GALK1: variants seen among roughly 807,000 people sequenced by gnomAD.
GALK1 encodes the protein galactokinase.
Under a neutral mutation model 38.6 loss-of-function variants are expected in GALK1, and 30 were observed. The observed-to-expected ratio is 0.78, with a 90% CI of 0.58 to 1.05. GALK1 has a LOEUF of 1.05. Ranked by LOEUF, GALK1 falls within the 50% of genes least tolerant of loss-of-function variation. GALK1 has a pLI of 0.00. For synonymous variants in GALK1, 240 were observed against 233.6 expected (o/e 1.03, Z -0.25); for missense variants, 512 against 540.5 (o/e 0.95, Z 0.52).
At chr17:75,753,420 C>T (rs1243399243), downstream of GALK1, among the ~76,000 whole-genome samples, 1 of 152,184 alleles carries the variant, frequency 6.6e-6, no homozygotes, top group Non-Finnish European at 1.5e-5. Context: ...ATTGTACAAA[C>T]GGGAAACTGA....
chr17:75,751,916 T>A lies in GALK1; in HGVS notation c.*23-179A>T, dbSNP rs1449046235. The A allele has an allele frequency of 9.0e-6, 5 of 554,530 alleles. No homozygotes were observed. The East Asian group carries it at 1.6e-4, about 18-fold the overall frequency. 34.4% of individuals were successfully genotyped at this position (554,530 alleles called of 1,614,324 possible). On this transcript the variant is annotated intron_variant, in intron 8 of 8. Coordinates refer to the GALK1 transcript ENST00000225614. ...CGTGGATATATGGGTAGAGGTGACA[T>A]CGAGGCCAACTTGAGTCCAGCCCTG...
chr17:75,754,079 C>A, downstream of GALK1: 1 of 492,028 alleles, frequency 2.0e-6, no homozygotes, highest in Non-Finnish European at 3.3e-6. Flanking sequence ...CCAGTTTCAG[C>A]CAGGCCCGGG....
At chr17:75,757,318 C>G, downstream of GALK1, 1 of 1,612,610 alleles carries the variant, frequency 6.2e-7, no homozygotes, top group South Asian at 1.1e-5. Context: ...TGGGTGAGCA[C>G]TGAGGGCTAG....
Position 75,758,603 on chromosome 17 carries a change from G to A in GALK1, c.794-4C>T. The A allele has an allele frequency of 6.3e-7, 1 of 1,587,898 alleles. No homozygotes were observed. The highest frequency in any genetic ancestry group is 8.5e-7 in the Non-Finnish European group (1 of 1,174,612). On this transcript the variant is annotated splice_region_variant and splice_polypyrimidine_tract_variant and intron_variant, in intron 5 of 7. Coordinates refer to ENST00000588479, the MANE Select transcript of GALK1 (RefSeq NM_000154.2). ...TTGCTCACCAGGTCCCTGGCAGCTG[G>A]GGAGGAAAGAGGAGTCAGCAGCCGC...
At chr17:75,762,597 T>C in intron 5 of GALK1, 107 bp downstream of exon 5, 1 of 1,210,828 alleles carries the variant, frequency 8.3e-7, no homozygotes, top group Non-Finnish European at 1.2e-6. Flanking sequence ...GGGGAGAGCA[T>C]GGCAGAAGGC....
downstream of GALK1, chr17:75,755,711 G>A (rs760958515): frequency 1.2e-6 from 2 of 1,612,792 alleles, no homozygotes; most frequent in African/African-American, 2.7e-5. Flanking sequence ...ACTCTCGCCT[G>A]ACTGCTGGTG....
At chr17:75,753,852 G>T (rs762521380), downstream of GALK1, 2 of 1,393,880 alleles carry the variant, frequency 1.4e-6, no homozygotes, top group South Asian at 3.4e-5. Context: ...CTCATCCCGC[G>T]CCTGTCGGCC....
intron 1 of GALK1, 66 bp downstream of exon 1, chr17:75,764,906 G>A: frequency 6.5e-7 from 1 of 1,545,212 alleles, no homozygotes. Flanking sequence ...GCGTCCCCGA[G>A]GCCCGCCCTC....
rs1188896555 is a variant in GALK1 at position 75,762,812 on chromosome 17, G to A, written c.685C>T (p.His229Tyr). 2 of 1,613,682 alleles carry A rather than the reference G, an allele frequency of 1.2e-6. No individual in the cohort carries two copies. Among genetic ancestry groups the A allele is most frequent in the African/African-American group, 1.3e-5 (1 of 74,922 alleles). The change falls in exon 5 of 8, where the codon CAC becomes TAC. Residue 229 changes from histidine to tyrosine, a missense_variant. Transcript: ENST00000588479. Reference protein sequence around the residue: ...AVLITNSNVRHSLASSEYPVR... With the variant: ...AVLITNSNVRYSLASSEYPVR... ...GGGTACTCGCTGGAGGCCAGGGAGT[G>A]GCGGACATTAGAGTTGGTGATGAGC...
At chr17:75,757,489 G>C (rs766023095), downstream of GALK1, 2 of 1,613,058 alleles carry the variant, frequency 1.2e-6, no homozygotes, top group African/African-American at 2.7e-5. Context: ...AGGAGTTTGT[G>C]AGCCGGACAC....
chr17:75,765,116 G>A lies in GALK1; in HGVS notation c.21C>T (p.Pro7=). Residue 7 remains proline, a synonymous_variant, in exon 1 of 8, where the codon CCC becomes CCT. Coordinates refer to ENST00000588479, the MANE Select transcript of GALK1 (RefSeq NM_000154.2). ...CCTCGGCCAGCAGCTCCGCGACCTGGGGCTGTCTCAAAGCAGCCATGACGC... is the reference window on the plus strand; with the variant it reads ...CCTCGGCCAGCAGCTCCGCGACCTGAGGCTGTCTCAAAGCAGCCATGACGC... MAALRQ[P]QVAELLAEAR... is the part of the protein sequence containing the mutation. 1 of 1,580,690 alleles carries A rather than the reference G, an allele frequency of 6.3e-7. No homozygotes were observed. The highest frequency in any genetic ancestry group is 8.6e-7 in the Non-Finnish European group (1 of 1,165,016).
intron 5 of GALK1, among the ~76,000 whole-genome samples, chr17:75,759,864 G>A (rs1338928387): frequency 1.3e-5 from 2 of 152,138 alleles, no homozygotes; most frequent in East Asian, 1.9e-4. Flanking sequence ...TGGGCAGCAC[G>A]GCCAGCCAGT....
chr17:75,752,400 G>A (rs776962649), intron 8 of GALK1: 3 of 1,612,736 alleles, frequency 1.9e-6, no homozygotes, highest in Admixed American at 1.7e-5. Flanking sequence ...GGGCAGGGGG[G>A]CAGGGGGCAG....
At chr17:75,757,626 C>A, downstream of GALK1, 1 of 1,597,988 alleles carries the variant, frequency 6.3e-7, no homozygotes. Context: ...GCCTCCTCAG[C>A]TACTCCATCC....
chr17:75,756,918 C>G (rs2249613), downstream of GALK1: 1,041,132 of 1,611,884 alleles, frequency 0.65, 337,733 homozygotes, highest in African/African-American at 0.75. Context: ...GGGCCGCAGA[C>G]GCTGAAGGCA....
downstream of GALK1, chr17:75,754,945 CGCACACACGTGCACACGCAT>C: frequency 1.4e-6 from 2 of 1,450,140 alleles, no homozygotes; most frequent in South Asian, 2.3e-5. Context: ...CACACATGCA[CGCACACACGTGCACACGCAT>C]GCACACATGT....
chr17:75,755,432 G>A (rs2061474648), downstream of GALK1, among the ~76,000 whole-genome samples: 1 of 152,170 alleles, frequency 6.6e-6, no homozygotes, highest in Non-Finnish European at 1.5e-5. Flanking sequence ...GGCAGGAGAG[G>A]GGCCAGGCCA....
intron 2 of GALK1, 93 bp downstream of exon 2, chr17:75,763,804 C>A: frequency 8.1e-7 from 1 of 1,229,972 alleles, no homozygotes; most frequent in Non-Finnish European, 1.2e-6. Flanking sequence ...ACAAGCCTTC[C>A]CCACAGTGTA....
At chr17:75,756,910 G>A (rs201790283), downstream of GALK1, 364 of 1,612,168 alleles carry the variant, frequency 2.3e-4, no homozygotes, top group Admixed American at 1.1e-3. Flanking sequence ...TAAAGAGGGG[G>A]CCGCAGACGC....
Sources: gnomAD v4.1 joint callset for allele counts (sites outside exome capture counted in the v4.1 genomes callset) on GRCh38, gnomAD v4.1.1 for gene constraint, MANE v1.5 for transcripts, NCBI Gene and HGNC (gene_info 2026-07-23, HGNC 2026-07-21) for gene names.